Variants in CDC123 observed in about 807,000 individuals in gnomAD.
CDC123 encodes the protein translation initiation factor eIF2 assembly protein.
Under a neutral mutation model 54.4 loss-of-function variants are expected in CDC123, and 37 were observed. The ratio of observed to expected loss-of-function variants is 0.68; its 90% CI spans 0.52 to 0.89. CDC123 has a LOEUF of 0.89. Ranked by LOEUF, CDC123 falls within the 40% of genes least tolerant of loss-of-function variation. The pLI, the probability that CDC123 is intolerant of heterozygous loss-of-function variation, is 0.00. For synonymous variants in CDC123, 144 were observed against 136.8 expected (o/e 1.05, Z -0.37); for missense variants, 361 against 412.1 (o/e 0.88, Z 1.07).
rs573343930 is a variant in CDC123 at position 12,226,292 on chromosome 10, G to A, written c.441-4656G>A. 5.5e-4 allele frequency among the ~76,000 whole-genome samples: 84 copies of A among 152,326 alleles called. 1 individual carries two copies. The highest frequency in any genetic ancestry group is 1.8e-3 in the African/African-American group (73 of 41,572). Reference sequence around the variant, plus strand: ...CTGTTGGGTACACCTCCCAGACGGCGTGGCGGCTGGGCAGAGGCGCCCCCC... The same window carrying A: ...CTGTTGGGTACACCTCCCAGACGGCATGGCGGCTGGGCAGAGGCGCCCCCC... On this transcript the variant is annotated intron_variant, in intron 6 of 12. Coordinates refer to ENST00000281141, the MANE Select transcript of CDC123 (RefSeq NM_006023.3).
chr10:12,228,610 G>T (rs991113925), intron 6 of CDC123, among the ~76,000 whole-genome samples: 4 of 151,554 alleles, frequency 2.6e-5, no homozygotes, highest in Admixed American at 2.6e-4. Flanking sequence ...TACTCTTGTT[G>T]CCCAGGCTGG....
chr10:12,196,516 G>A (rs973061222), intron 1 of CDC123, among the ~76,000 whole-genome samples, 197 bp downstream of exon 1: 2 of 152,194 alleles, frequency 1.3e-5, no homozygotes, highest in Admixed American at 6.5e-5. Flanking sequence ...GTCAGTTGTG[G>A]TTTTCAGTGA....
At chr10:12,239,751 G>A (rs1836031482) in intron 10 of CDC123, among the ~76,000 whole-genome samples, 1 of 149,888 alleles carries the variant, frequency 6.7e-6, no homozygotes, top group Non-Finnish European at 1.5e-5. Flanking sequence ...GCTCACACCT[G>A]TAATCCCAGC....
At chr10:12,246,060 A>T in intron 10 of CDC123, 89 bp from the exon 11 acceptor site, 1 of 1,416,110 alleles carries the variant, frequency 7.1e-7, no homozygotes, top group Non-Finnish European at 9.7e-7. Context: ...ACAGCATGAG[A>T]CCCTGTCTCA....
chr10:12,238,126 C>G (rs1836003692), intron 9 of CDC123, among the ~76,000 whole-genome samples: 1 of 152,142 alleles, frequency 6.6e-6, no homozygotes, highest in Non-Finnish European at 1.5e-5. Flanking sequence ...TGATTGATGC[C>G]CGTTTCACTA....
At chr10:12,235,222 T>G (rs1835963163) in intron 8 of CDC123, 99 bp downstream of exon 8, 4 of 981,096 alleles carry the variant, frequency 4.1e-6, no homozygotes, top group African/African-American at 3.2e-5. Flanking sequence ...AGGACAGGGA[T>G]GTCAATCTGT....
chr10:12,221,284 G>GAACCCAT (rs57317800), intron 6 of CDC123, among the ~76,000 whole-genome samples: 151,248 of 152,232 alleles, frequency 0.99, 75,146 homozygotes, highest in Middle Eastern at 1. Flanking sequence ...AGGTCGCCAG[G>GAACCCAT]GCTCTTTCAG....
rs1051027 is a variant in CDC123, at chr10:12,250,376, A to G, written c.*39A>G. 3 of 1,540,252 alleles carry G rather than the reference A, an allele frequency of 1.9e-6. No individual in the cohort carries two copies. The highest frequency in any genetic ancestry group is 2.7e-6 in the Non-Finnish European group (3 of 1,113,438). The stretch of plus-strand genomic sequence containing the variant: ...ACTGGAGAAGAGGAGGCCCCGCCCC[A>G]CCGCTCCGGGAGCTGCTCATCAGCC... On this transcript the variant is annotated 3_prime_UTR_variant, in exon 13 of 13. Transcript: ENST00000281141.
intron 2 of CDC123, among the ~76,000 whole-genome samples, chr10:12,204,092 C>CAAAA (rs748765566): frequency 3.1e-5 from 4 of 131,136 alleles, no homozygotes; most frequent in African/African-American, 8.7e-5. Context: ...GACCTTGTCT[C>CAAAA]AAAAAAAAAA....
At chr10:12,229,766 T>G (rs1393781449) in intron 6 of CDC123, among the ~76,000 whole-genome samples, 1 of 152,176 alleles carries the variant, frequency 6.6e-6, no homozygotes, top group African/African-American at 2.4e-5. Flanking sequence ...TATGAAACAT[T>G]GTTGATGAAA....
At chr10:12,243,897 ACAT>A (rs1836093257) in intron 10 of CDC123, among the ~76,000 whole-genome samples, 1 of 152,196 alleles carries the variant, frequency 6.6e-6, no homozygotes, top group African/African-American at 2.4e-5. Flanking sequence ...AATAAAGTTG[ACAT>A]CATTACCAAG....
At chr10:12,204,953 A>G (rs544205417) in intron 2 of CDC123, among the ~76,000 whole-genome samples, 107 of 140,332 alleles carry the variant, frequency 7.6e-4, no homozygotes, top group Non-Finnish European at 1.3e-3. Context: ...AGATCGTGCC[A>G]CTGCACTCCA....
chr10:12,249,714 A>G lies in CDC123; in HGVS notation c.980A>G (p.Lys327Arg). The G allele has an allele frequency of 6.2e-7, 1 of 1,608,484 alleles. No individual in the cohort carries two copies. The highest frequency in any genetic ancestry group is 8.5e-7 in the Non-Finnish European group (1 of 1,178,496). ...EDAHKLIDFL[K>R]LKRNQQEDD The stretch of plus-strand genomic sequence containing the variant: ...GCTCACAAGCTAATAGACTTCCTTA[A>G]GCTGGTAAAGTCTATGTGCATTTAG... The change falls in exon 12 of 13, where the codon AAG becomes AGG. Residue 327 changes from lysine to arginine, a missense_variant. Lys to Arg is a conservative substitution (Grantham distance 26, BLOSUM62 2). Coordinates refer to ENST00000281141, the MANE Select transcript of CDC123 (RefSeq NM_006023.3).
intron 10 of CDC123, among the ~76,000 whole-genome samples, chr10:12,240,081 A>G (rs541318139): frequency 6.6e-6 from 1 of 151,914 alleles, no homozygotes; most frequent in South Asian, 2.1e-4. Context: ...AGTTACTTTT[A>G]TCTTTAGACA....
intron 4 of CDC123, 102 bp from the exon 5 acceptor site, chr10:12,215,638 C>A (rs554579314): frequency 5.8e-6 from 3 of 520,334 alleles, no homozygotes; most frequent in South Asian, 1.1e-4. Context: ...ATTCTAAATT[C>A]TGTTTTTAAC....
chr10:12,207,548 C>T (rs1304143815), intron 2 of CDC123, among the ~76,000 whole-genome samples: 1 of 152,110 alleles, frequency 6.6e-6, no homozygotes, highest in Non-Finnish European at 1.5e-5. Flanking sequence ...GGAGGACACA[C>T]ACAGATATTT....
chr10:12,247,472 CT>C (rs1343433560), intron 11 of CDC123: 1 of 148,420 alleles, frequency 6.7e-6, no homozygotes, highest in Non-Finnish European at 1.5e-5. Flanking sequence ...CCGTGTCCCC[CT>C]CTCTCACCTC....
Position 12,196,202 on chromosome 10 carries a change from G to T in CDC123, c.-44G>T. ...GGCCGGCGCCCAGAGTTCCGGGAGG[G>T]TGCAGGCAGGAGAGGGAAAGGCAGC... On this transcript the variant is annotated 5_prime_UTR_variant, in exon 1 of 13. Transcript: ENST00000281141. 2.5e-6 allele frequency: 4 copies of T among 1,613,548 alleles called. No homozygotes were observed. The highest frequency in any genetic ancestry group is 2.7e-5 in the African/African-American group (2 of 74,984).
At chr10:12,231,099 C>A (rs2131754040) in intron 7 of CDC123, 103 bp downstream of exon 7, 2 of 1,044,810 alleles carry the variant, frequency 1.9e-6, no homozygotes, top group East Asian at 2.5e-5. Flanking sequence ...GGATTAATTT[C>A]TTCGGGAACC....
Sources: gnomAD v4.1 joint callset for allele counts (sites outside exome capture counted in the v4.1 genomes callset) on GRCh38, gnomAD v4.1.1 for gene constraint, MANE v1.5 for transcripts, NCBI Gene and HGNC (gene_info 2026-07-23, HGNC 2026-07-21) for gene names.